LSS: variants seen among roughly 807,000 people sequenced by gnomAD.
LSS encodes 2,3-epoxysqualene-lanosterol cyclase.
A neutral mutation model predicts 110.3 loss-of-function variants in LSS; 90 were observed. That is an observed-to-expected ratio of 0.82 (90% confidence interval 0.69 to 0.97). LSS has a LOEUF of 0.97. LSS is among the 50% of genes least tolerant of loss of function. LSS has a pLI of 0.00. For synonymous variants in LSS, 433 were observed against 400.0 expected (o/e 1.08, Z -0.98); for missense variants, 927 against 990.0 (o/e 0.94, Z 0.85).
intron 20 of LSS, chr21:46,192,224 CT>C (rs1187484578): frequency 1.8e-5 from 10 of 559,080 alleles, no homozygotes; most frequent in African/African-American, 3.8e-5. Context: ...GTGTTCCCCC[CT>C]GAAGAGGACG....
At chr21:46,198,299 T>C (rs1015231990) in intron 17 of LSS, among the ~76,000 whole-genome samples, 4 of 149,716 alleles carry the variant, frequency 2.7e-5, no homozygotes, top group African/African-American at 9.8e-5. Context: ...GTTGTTTTCC[T>C]ACCAGCAATG....
chr21:46,223,052 A>C (rs558891785), intron 3 of LSS, among the ~76,000 whole-genome samples: 3 of 152,350 alleles, frequency 2.0e-5, no homozygotes, highest in Admixed American at 6.5e-5. Flanking sequence ...GTCTCCCCCA[A>C]GTGCCCTGAA....
At chr21:46,222,467 C>T (rs556783953) in intron 4 of LSS, 163 bp downstream of exon 4, 92 of 611,314 alleles carry the variant, frequency 1.5e-4, no homozygotes, top group African/African-American at 1.2e-3. Context: ...ACCTGCATGG[C>T]CTTCAGCCCA....
Position 46,216,505 on chromosome 21 carries a change from G to A in LSS, c.667C>T (p.Pro223Ser), listed in dbSNP as rs749183068. 9 of 1,606,956 alleles carry A rather than the reference G, an allele frequency of 5.6e-6. No individual in the cohort carries two copies. The highest frequency in any genetic ancestry group is 2.7e-5 in the African/African-American group (2 of 74,790). Residue 223 changes from proline (P) to serine (S), a missense_variant, in exon 7 of 22, where the codon CCG (proline) becomes TCG (serine). Transcript: ENST00000397728. This position sits in a 1 kb window ranked among gnomAD's most constrained non-coding sequence, Gnocchi z 4.2. ...CACCAGAGTGTGGAGGGGTGTGCCG[G>A]TGCCCAGTCAGGAAACAGCCTGGGG... ...PEMWLFPDWA[P>S]AHPSTLWCHC...
At chr21:46,192,565 C>A (rs2079834490) in intron 20 of LSS, 1 of 395,294 alleles carries the variant, frequency 2.5e-6, no homozygotes, top group African/African-American at 2.1e-5. Flanking sequence ...TGTGCATAGA[C>A]CTGTATGTAC....
In LSS at chr21:46,208,304, G is replaced by C. The variant is rs1205324168; in HGVS notation, c.1267-3C>G. 14 of 1,552,520 alleles carry C rather than the reference G, an allele frequency of 9.0e-6. No individual in the cohort carries two copies. Among genetic ancestry groups the C allele is most frequent in the Non-Finnish European group, 1.0e-5 (12 of 1,147,432 alleles). ...TAGTCGGGAGGGTTATCTGGGACCT[G>C]GGCAGCATCGAGGGCAAATGTGGAA... On this transcript the variant is annotated splice_region_variant and splice_polypyrimidine_tract_variant and intron_variant, in intron 13 of 21. Transcript: ENST00000397728.
chr21:46,215,138 AC>A (rs1386639335), intron 9 of LSS, 41 bp downstream of exon 9: 2 of 1,551,814 alleles, frequency 1.3e-6, no homozygotes, highest in South Asian at 1.1e-5. Flanking sequence ...TCGGACCTCA[AC>A]CCCCAGGGGC....
At chr21:46,206,801 C>A (rs780438138) in intron 15 of LSS, 33 bp from the exon 16 acceptor site, 28 of 1,557,362 alleles carry the variant, frequency 1.8e-5, no homozygotes, top group Non-Finnish European at 2.4e-5. Context: ...AGAACTCGCC[C>A]ATGTGCTGAG....
At chr21:46,199,307 T>C (rs2079949657) in intron 17 of LSS, among the ~76,000 whole-genome samples, 1 of 152,180 alleles carries the variant, frequency 6.6e-6, no homozygotes, top group Admixed American at 6.5e-5. Flanking sequence ...AATTGCAAAT[T>C]GAAACAAGGA....
chr21:46,227,441 T>A (rs2080355142), intron 3 of LSS, 111 bp downstream of exon 3: 10 of 1,372,832 alleles, frequency 7.3e-6, no homozygotes, highest in Non-Finnish European at 9.9e-6. Flanking sequence ...CCTTTTCTTG[T>A]GAGCCCCTGG....
chr21:46,210,356 G>A (rs1463275359), intron 12 of LSS, among the ~76,000 whole-genome samples: 4 of 151,956 alleles, frequency 2.6e-5, no homozygotes, highest in Admixed American at 6.6e-5. Context: ...GTGAGCCACC[G>A]TGCCTGGCCC....
At position 46,191,873 on chromosome 21, in the gene LSS, C is replaced by T. The variant is rs368571285; in HGVS notation, c.2067+8G>A. 17 of 1,611,306 alleles carry T rather than the reference C, an allele frequency of 1.1e-5. No homozygotes were observed. In the Middle Eastern group the frequency reaches 6.6e-4, roughly 62 times the overall value. Reference sequence around the variant, plus strand: ...GGGCCTTGTGCGCTCAGGTCCCTGGCGGCATACCTGCGGCCAGTCGCCATT... The same window carrying T: ...GGGCCTTGTGCGCTCAGGTCCCTGGTGGCATACCTGCGGCCAGTCGCCATT... On this transcript the variant is annotated splice_region_variant and intron_variant, in intron 21 of 21. Transcript: ENST00000397728.
intron 4 of LSS, chr21:46,222,255 T>G: frequency 1.9e-6 from 1 of 537,704 alleles, no homozygotes; most frequent in Non-Finnish European, 3.3e-6. Flanking sequence ...CGGTCCACTT[T>G]GGGCTATGGC....
At chr21:46,221,792 G>C in intron 5 of LSS, 62 bp downstream of exon 5, 15 of 1,608,404 alleles carry the variant, frequency 9.3e-6, no homozygotes, top group South Asian at 2.2e-5. Context: ...TATCGCGTTT[G>C]TGAGAGCTCA....
intron 3 of LSS, 142 bp from the exon 4 acceptor site, chr21:46,222,880 C>A: frequency 1.5e-6 from 1 of 657,702 alleles, no homozygotes. Context: ...CCATTCCTCC[C>A]AGGCCCCCAT....
At chr21:46,207,179 T>TC (rs952004207) in intron 15 of LSS, among the ~76,000 whole-genome samples, 1 of 152,092 alleles carries the variant, frequency 6.6e-6, no homozygotes, top group South Asian at 2.1e-4. Flanking sequence ...CCACGCCGGC[T>TC]CCCCCAAGTA....
At chr21:46,210,260 G>A (rs1361644376) in intron 12 of LSS, among the ~76,000 whole-genome samples, 1 of 151,896 alleles carries the variant, frequency 6.6e-6, no homozygotes, top group Non-Finnish European at 1.5e-5. Context: ...TAGAGACGGG[G>A]TTTCACCATC....
At chr21:46,211,647 A>G (rs1159200187) in intron 11 of LSS, among the ~76,000 whole-genome samples, 2 of 152,166 alleles carry the variant, frequency 1.3e-5, no homozygotes, top group Non-Finnish European at 2.9e-5. Context: ...GCATCCAGAC[A>G]TCGTGCACTG....
intron 11 of LSS, among the ~76,000 whole-genome samples, chr21:46,211,662 G>C (rs1294152184): frequency 6.6e-6 from 1 of 152,168 alleles, no homozygotes; most frequent in Non-Finnish European, 1.5e-5. Context: ...GCACTGGAGG[G>C]ACAAGGCAGG....
Sources: allele counts gnomAD v4.1 joint callset (sites outside exome capture counted in the v4.1 genomes callset), GRCh38; gene constraint gnomAD v4.1.1; non-coding constraint Gnocchi (gnomAD v3.1); transcripts MANE v1.5; gene names NCBI Gene and HGNC (gene_info 2026-07-23, HGNC 2026-07-21).